The following MCHR2 variants were observed in gnomAD, a reference collection of about 807,000 sequenced individuals.
MCHR2 encodes the protein melanin concentrating hormone receptor 2, also known as melanin-concentrating hormone receptor 2.
A neutral mutation model predicts 24.8 loss-of-function variants in MCHR2; 15 were observed. The ratio of observed to expected loss-of-function variants is 0.60; its 90% CI spans 0.40 to 0.93. The LOEUF is 0.93. Among genes scored for constraint, MCHR2 ranks in the 40% least tolerant of loss-of-function variants. The pLI is 0.00. For missense variants in MCHR2, 386 were observed against 408.7 expected (o/e 0.94, Z 0.48); for synonymous variants, 151 against 147.6 (o/e 1.02, Z -0.17).
chr6:99,945,828 C>T (rs529372477), intron 3 of MCHR2, among the ~76,000 whole-genome samples: 1 of 152,100 alleles, frequency 6.6e-6, no homozygotes, highest in Non-Finnish European at 1.5e-5. Flanking sequence ...TTTTAGCATA[C>T]TATGTCCATT....
chr6:99,960,637 G>A (rs1453795578), intron 1 of MCHR2, among the ~76,000 whole-genome samples: 4 of 151,682 alleles, frequency 2.6e-5, no homozygotes, highest in Non-Finnish European at 5.9e-5. Context: ...AACAGATCTA[G>A]ACAAATGGAA....
At chr6:99,960,386 GGTGAA>G (rs1279106972) in intron 1 of MCHR2, among the ~76,000 whole-genome samples, 1 of 152,030 alleles carries the variant, frequency 6.6e-6, no homozygotes, top group Non-Finnish European at 1.5e-5. Flanking sequence ...GAATCAATAT[GGTGAA>G]AATGGCCATA....
At chr6:99,983,506 G>A (rs147799149) in intron 1 of MCHR2, among the ~76,000 whole-genome samples, 1 of 152,250 alleles carries the variant, frequency 6.6e-6, no homozygotes, top group East Asian at 1.9e-4. Context: ...GATCCCAGTT[G>A]TTCCCCAAAA....
chr6:99,931,383 C>T (rs1159349312), intron 5 of MCHR2, among the ~76,000 whole-genome samples: 1 of 152,164 alleles, frequency 6.6e-6, no homozygotes, highest in Non-Finnish European at 1.5e-5. Context: ...CAGACAGGGA[C>T]ATTTAAGTCT....
chr6:99,923,239 T>C (rs7757277), intron 5 of MCHR2, among the ~76,000 whole-genome samples: 48,987 of 152,066 alleles, frequency 0.32, 8,331 homozygotes, highest in Admixed American at 0.42. Flanking sequence ...TGATTTTGTA[T>C]CCTGAAACTT....
At chr6:99,975,663 G>A (rs4840108) in intron 1 of MCHR2, among the ~76,000 whole-genome samples, 2,449 of 152,306 alleles carry the variant, frequency 0.016, 36 homozygotes, top group African/African-American at 0.035. Context: ...CTTCTGCGTC[G>A]CTCACGCTGG....
In MCHR2 at chr6:99,973,376, G is replaced by A. The variant is rs532247434; in HGVS notation, c.-27-17202C>T. On this transcript the variant is annotated intron_variant, in intron 1 of 5. Transcript: ENST00000281806. Reference sequence around the variant, plus strand: ...TTAAAGTCTGTTTTATCAGAGACTAGGATTGCAACCTCTGCCTTTTTTTGT... The same window carrying A: ...TTAAAGTCTGTTTTATCAGAGACTAAGATTGCAACCTCTGCCTTTTTTTGT... Among the ~76,000 whole-genome samples, 20 of 152,030 alleles carry A rather than the reference G, an allele frequency of 1.3e-4. No individual in the cohort carries two copies. In the East Asian group the frequency reaches 3.9e-3, roughly 29 times the overall value.
chr6:99,954,273 A>G (rs183606018), intron 2 of MCHR2, among the ~76,000 whole-genome samples: 1 of 152,274 alleles, frequency 6.6e-6, no homozygotes, highest in Non-Finnish European at 1.5e-5. Context: ...TGGGTGTAAT[A>G]ATAGTACTGC....
chr6:99,979,084 G>C (rs1378173886), intron 1 of MCHR2, among the ~76,000 whole-genome samples: 1 of 152,182 alleles, frequency 6.6e-6, no homozygotes, highest in Non-Finnish European at 1.5e-5. Flanking sequence ...TTACTTCATA[G>C]ACATAATAGG....
intron 1 of MCHR2, among the ~76,000 whole-genome samples, chr6:99,992,484 A>T (rs1025972440): frequency 1.3e-5 from 2 of 152,116 alleles, no homozygotes; most frequent in South Asian, 2.1e-4. Context: ...TTTTGAGGAG[A>T]GCCAGGCTGA....
chr6:99,981,036 G>A (rs1481639577), intron 1 of MCHR2, among the ~76,000 whole-genome samples: 3 of 152,166 alleles, frequency 2.0e-5, no homozygotes. Context: ...CTTTCAAATA[G>A]GTCAAATGCT....
At chr6:99,947,205 T>C (rs145182377) in intron 3 of MCHR2, among the ~76,000 whole-genome samples, 4 of 152,314 alleles carry the variant, frequency 2.6e-5, no homozygotes, top group African/African-American at 7.2e-5. Flanking sequence ...CAATAATGTT[T>C]GTAAAAGATG....
intron 2 of MCHR2, 57 bp from the exon 3 acceptor site, chr6:99,948,028 A>T (rs1344181696): frequency 1.4e-6 from 2 of 1,448,422 alleles, no homozygotes; most frequent in African/African-American, 1.4e-5. Flanking sequence ...ACTATTCGAT[A>T]TATGCTACCT....
intron 5 of MCHR2, among the ~76,000 whole-genome samples, chr6:99,922,106 A>AT (rs34099388): frequency 0.21 from 26,934 of 125,832 alleles, 3,315 homozygotes; most frequent in Non-Finnish European, 0.3. Context: ...CCATTTGTCC[A>AT]TTTTTTTTTT....
rs977246409 is a variant in MCHR2 at position 99,972,979 on chromosome 6, C to T, written c.-27-16805G>A. ...CATTTGCTGAGGAGAGCTTTACTTCCAACTATGTGGTCCGTTTTGGAATAG... is the reference window on the plus strand; with the variant it reads ...CATTTGCTGAGGAGAGCTTTACTTCTAACTATGTGGTCCGTTTTGGAATAG... On this transcript the variant is annotated intron_variant, in intron 1 of 5. Transcript: ENST00000281806. Among the ~76,000 whole-genome samples, 4 of 152,042 alleles carry T rather than the reference C, an allele frequency of 2.6e-5. No individual in the cohort carries two copies. The East Asian group carries it at 5.8e-4, about 22-fold the overall frequency.
chr6:99,981,097 A>C (rs990396870), intron 1 of MCHR2, among the ~76,000 whole-genome samples: 2 of 152,192 alleles, frequency 1.3e-5, no homozygotes, highest in Non-Finnish European at 2.9e-5. Context: ...ACCACAGTAA[A>C]AATAAGCATC....
intron 1 of MCHR2, among the ~76,000 whole-genome samples, chr6:99,992,673 GA>G (rs1775907627): frequency 6.6e-6 from 1 of 152,114 alleles, no homozygotes; most frequent in African/African-American, 2.4e-5. Context: ...CCCCAGGCTT[GA>G]AAAACTTTTT....
At chr6:99,957,261 T>A (rs1775082385) in intron 1 of MCHR2, among the ~76,000 whole-genome samples, 1 of 152,126 alleles carries the variant, frequency 6.6e-6, no homozygotes, top group Admixed American at 6.6e-5. Context: ...GGCTTCATAA[T>A]TAAGTGTATT....
chr6:99,962,191 T>G (rs1324107592), intron 1 of MCHR2, among the ~76,000 whole-genome samples: 3 of 152,204 alleles, frequency 2.0e-5, no homozygotes, highest in African/African-American at 7.2e-5. Flanking sequence ...ACAGTCAGTC[T>G]GATAACTGAG....
Sources: allele counts gnomAD v4.1 joint callset (sites outside exome capture counted in the v4.1 genomes callset), GRCh38; gene constraint gnomAD v4.1.1; transcripts MANE v1.5; gene names NCBI Gene and HGNC (gene_info 2026-07-23, HGNC 2026-07-21).